The following CFAP46 variants were observed in gnomAD, a reference collection of about 807,000 sequenced individuals.
CFAP46 encodes cilia- and flagella-associated protein 46.
Under a neutral mutation model 325.7 loss-of-function variants are expected in CFAP46, and 245 were observed. The observed-to-expected ratio is 0.75, with a 90% CI of 0.68 to 0.84. The LOEUF (loss-of-function observed/expected upper bound fraction) is 0.84. Ranked by LOEUF, CFAP46 falls within the 40% of genes least tolerant of loss-of-function variation. The pLI, the probability that CFAP46 is intolerant of heterozygous loss-of-function variation, is 0.00. For missense variants in CFAP46, 3,346 were observed against 3,543.0 expected, an observed-to-expected ratio of 0.94 and a Z score of 1.41; for synonymous variants, 1,523 against 1,495.9, an observed-to-expected ratio of 1.02 and a Z score of -0.42.
intron 50 of CFAP46, among the ~76,000 whole-genome samples, chr10:132,821,858 T>A (rs560397606): frequency 5.5e-5 from 8 of 145,882 alleles, no homozygotes; most frequent in Admixed American, 2.7e-4. Context: ...CGCTGATGTG[T>A]GCTGTGTGTG....
intron 10 of CFAP46, among the ~76,000 whole-genome samples, chr10:132,925,953 G>T (rs193255201): frequency 6.6e-6 from 1 of 152,250 alleles, no homozygotes; most frequent in African/African-American, 2.4e-5. Context: ...GGCACTTGCC[G>T]TGGTACCACA....
chr10:132,860,742 C>T (rs895138974), intron 36 of CFAP46, 40 bp downstream of exon 36: 29 of 1,542,638 alleles, frequency 1.9e-5, no homozygotes, highest in East Asian at 4.9e-5. Flanking sequence ...GCACCTGGCC[C>T]GGCACCCGAC....
chr10:132,927,427 G>A (rs1006891170), intron 9 of CFAP46, among the ~76,000 whole-genome samples: 14 of 152,092 alleles, frequency 9.2e-5, no homozygotes, highest in Non-Finnish European at 2.1e-4. Context: ...GCAGGTCCTC[G>A]GCGGCAGACG....
chr10:132,937,287 C>A, intron 6 of CFAP46: 2 of 535,422 alleles, frequency 3.7e-6, no homozygotes, highest in South Asian at 3.2e-5. Context: ...TAAAAAAATT[C>A]AAAGCTATTA....
intron 36 of CFAP46, 89 bp downstream of exon 36, chr10:132,860,690 TCTG>T: frequency 7.2e-7 from 1 of 1,386,412 alleles, no homozygotes; most frequent in East Asian, 2.5e-5. Context: ...TCATCAGCGG[TCTG>T]CCAGGCAGAG....
At chr10:132,913,385 C>T (rs563886369) in intron 17 of CFAP46, 127 bp from the exon 18 acceptor site, 55 of 591,048 alleles carry the variant, frequency 9.3e-5, no homozygotes, top group African/African-American at 6.1e-4. Flanking sequence ...GGGTGGGCGG[C>T]GACCAAACTC....
At chr10:132,910,740 C>T (rs114437928) in intron 19 of CFAP46, among the ~76,000 whole-genome samples, 4 of 152,342 alleles carry the variant, frequency 2.6e-5, no homozygotes, top group South Asian at 4.1e-4. Context: ...CCTTGCAAAA[C>T]GTCTTGGTAG....
chr10:132,865,580 AAAAC>A (rs1400693615), intron 35 of CFAP46, among the ~76,000 whole-genome samples: 4 of 152,188 alleles, frequency 2.6e-5, no homozygotes, highest in African/African-American at 4.8e-5. Context: ...GAGTGAGAGC[AAAAC>A]AAACAAAGAC....
intron 29 of CFAP46, among the ~76,000 whole-genome samples, chr10:132,878,723 A>T (rs1244291395): frequency 6.6e-6 from 1 of 151,866 alleles, no homozygotes; most frequent in African/African-American, 2.4e-5. Context: ...AAGACGGGAT[A>T]GGGGGGCCTC....
Position 132,867,449 on chromosome 10 carries a change from T to C in CFAP46, c.4669A>G (p.Ser1557Gly), listed in dbSNP as rs1848832625. 6.4e-7 allele frequency: 1 copy of C among 1,550,574 alleles called. No homozygotes were observed. Among genetic ancestry groups the C allele is most frequent in the Non-Finnish European group, 8.7e-7 (1 of 1,146,990 alleles). ...EKNKEPLLEE[S>G]LPALNEQTLP... is the part of the protein sequence containing the mutation. ...GTCTGCTCATTCAGTGCTGGCAGGCTTTCTTCTAATAAAGGCTCCTTATTT... is the reference window on the plus strand; with the variant it reads ...GTCTGCTCATTCAGTGCTGGCAGGCCTTCTTCTAATAAAGGCTCCTTATTT... The change falls in exon 34 of 58, where the codon AGC becomes GGC. Residue 1557 changes from serine (S) to glycine (G), a missense_variant. Ser to Gly is a moderately conservative substitution (Grantham distance 56). Coordinates refer to ENST00000368586, the MANE Select transcript of CFAP46 (RefSeq NM_001200049.3).
chr10:132,937,443 T>G, intron 6 of CFAP46, 109 bp downstream of exon 6: 1 of 1,364,906 alleles, frequency 7.3e-7, no homozygotes, highest in South Asian at 1.2e-5. Context: ...TGTATGCATA[T>G]AGATTTTTAT....
chr10:132,834,738 G>A lies in CFAP46; in HGVS notation c.6782C>T (p.Pro2261Leu), dbSNP rs749285933. The change falls in exon 48 of 58, where the codon CCT becomes CTT. Residue 2261 changes from proline to leucine, a missense_variant. By Grantham distance (98) the Pro-to-Leu change is moderately conservative. Coordinates refer to ENST00000368586, the MANE Select transcript of CFAP46 (RefSeq NM_001200049.3). ...CAGGACGCTACTGAGCCTCTGCACAGGGCGCTCCTTCTCTTCCACCTGCAG... is the reference window on the plus strand; with the variant it reads ...CAGGACGCTACTGAGCCTCTGCACAAGGCGCTCCTTCTCTTCCACCTGCAG... ...EGLQVEEKER[P>L]VQRLSSVLGP... The A allele has an allele frequency of 1.2e-6, 2 of 1,612,814 alleles. No individual in the cohort carries two copies. Among genetic ancestry groups the A allele is most frequent in the South Asian group, 1.1e-5 (1 of 90,976 alleles).
rs748647986 is a variant in CFAP46, at chr10:132,851,288, C to T, written c.5592G>A (p.Thr1864=). Residue 1864 remains threonine, a synonymous_variant, in exon 40 of 58, where the codon ACG becomes ACA. Coordinates refer to ENST00000368586, the MANE Select transcript of CFAP46 (RefSeq NM_001200049.3). ...GGCGCGCCAGCTTCCTCATCAGGGGCGTGTTGACGTTCTGCAACTGAGGGG... is the reference window on the plus strand; with the variant it reads ...GGCGCGCCAGCTTCCTCATCAGGGGTGTGTTGACGTTCTGCAACTGAGGGG... ...LSLQDLQNVN[T]PLMRKLARLK... is the part of the protein sequence containing the mutation. The T allele has an allele frequency of 2.5e-5, 41 of 1,613,552 alleles. No homozygotes were observed. The East Asian group carries it at 7.1e-4, about 28-fold the overall frequency.
At chr10:132,864,717 C>T (rs1447652881) in intron 35 of CFAP46, among the ~76,000 whole-genome samples, 2 of 117,766 alleles carry the variant, frequency 1.7e-5, no homozygotes, top group East Asian at 2.6e-4. Flanking sequence ...GACCTGCACA[C>T]ACCTGCCCTC....
Position 132,847,379 on chromosome 10 carries a change from G to T in CFAP46, c.5953-58C>A. ...CTGGGTTCCTGCTTGGTCGGCGTGGGGAGGGCCCACCCAGGGAGGCCGGGG... is the reference window on the plus strand; with the variant it reads ...CTGGGTTCCTGCTTGGTCGGCGTGGTGAGGGCCCACCCAGGGAGGCCGGGG... On this transcript the variant is annotated intron_variant, in intron 41 of 57. Coordinates refer to ENST00000368586, the MANE Select transcript of CFAP46 (RefSeq NM_001200049.3). The surrounding 1 kb of genome is among the most constrained non-coding windows in gnomAD (Gnocchi z 5.2). 6.3e-7 allele frequency: 1 copy of T among 1,599,772 alleles called. No homozygotes were observed. Among genetic ancestry groups the T allele is most frequent in the Non-Finnish European group, 8.5e-7 (1 of 1,171,040 alleles).
intron 44 of CFAP46, among the ~76,000 whole-genome samples, chr10:132,838,894 C>T (rs79231051): frequency 0.015 from 2,343 of 152,366 alleles, 28 homozygotes; most frequent in Non-Finnish European, 0.023. Context: ...TGGCCGTGTC[C>T]TCCTTTTCCA....
chr10:132,918,513 C>T lies in CFAP46; in HGVS notation c.1866G>A (p.Lys622=), dbSNP rs763672864. The part of the protein sequence containing the change: ...VKKLRLRRGK[K]KRGRDGSVQD... ...GCACCGAGCCGTCCCTACCTCGCTT[C>T]TTCTTCCCTGAGAGAAATGGCAGCA... is the stretch of plus-strand genomic sequence containing the variant. Residue 622 remains lysine (K), a synonymous_variant, in exon 16 of 58, where the codon AAG becomes AAA. Coordinates refer to ENST00000368586, the MANE Select transcript of CFAP46 (RefSeq NM_001200049.3). 1.8e-5 allele frequency: 27 copies of T among 1,515,164 alleles called. No homozygotes were observed. The highest frequency in any genetic ancestry group is 2.2e-5 in the Non-Finnish European group (25 of 1,123,606). The allele number at this position is 1,515,164 out of a possible 1,614,324, so 93.9% of individuals were successfully genotyped here.
chr10:132,883,260 C>T (rs918430909), intron 27 of CFAP46, among the ~76,000 whole-genome samples: 1 of 152,192 alleles, frequency 6.6e-6, no homozygotes, highest in African/African-American at 2.4e-5. Context: ...ATCCACGATA[C>T]ACCATGAGCT....
intron 55 of CFAP46, among the ~76,000 whole-genome samples, chr10:132,812,205 T>C (rs1222835163): frequency 1.3e-5 from 2 of 152,188 alleles, no homozygotes; most frequent in South Asian, 2.1e-4. Context: ...CAGGGTGACG[T>C]ACCCCTACGT....
Sources: gnomAD v4.1 joint callset for allele counts (sites outside exome capture counted in the v4.1 genomes callset) on GRCh38, gnomAD v4.1.1 for gene constraint, Gnocchi (gnomAD v3.1) non-coding constraint, MANE v1.5 for transcripts, NCBI Gene and HGNC (gene_info 2026-07-23, HGNC 2026-07-21) for gene names.